KIRREL3: variants seen among roughly 807,000 people sequenced by gnomAD.
The protein encoded by KIRREL3 is kin of IRRE-like protein 3.
KIRREL3 carries 36 observed loss-of-function variants against 89.7 expected under a neutral mutation model. That is an observed-to-expected ratio of 0.40 (90% confidence interval 0.31 to 0.53). The LOEUF (loss-of-function observed/expected upper bound fraction) is 0.53, where lower values mean the gene tolerates loss of function less well. KIRREL3 is among the 20% of genes least tolerant of loss of function. KIRREL3 has a pLI of 0.49. For synonymous variants in KIRREL3, 445 were observed against 441.4 expected (o/e 1.01, Z -0.10); for missense variants, 864 against 1,056.6 (o/e 0.82, Z 2.53).
Position 126,605,213 on chromosome 11 carries a change from C to G in KIRREL3, c.56-42301G>C, listed in dbSNP as rs1942836224. The stretch of plus-strand genomic sequence containing the variant: ...GATAACTATATCTAGGGACCGACTC[C>G]TGGGATCTTACCAAGTCACATTTGC... On this transcript the variant is annotated intron_variant, in intron 1 of 16. Coordinates refer to ENST00000525144, the MANE Select transcript of KIRREL3 (RefSeq NM_032531.4). This position sits in a 1 kb window ranked among gnomAD's most constrained non-coding sequence, Gnocchi z 5.7. 6.6e-6 allele frequency among the ~76,000 whole-genome samples: 1 copy of G among 152,140 alleles called. No individual in the cohort carries two copies.
intron 1 of KIRREL3, among the ~76,000 whole-genome samples, chr11:126,884,266 C>T (rs1455857142): frequency 6.6e-6 from 1 of 152,188 alleles, no homozygotes; most frequent in Non-Finnish European, 1.5e-5. Flanking sequence ...CTCCAGATGA[C>T]TCTGCTGGAA....
intron 1 of KIRREL3, among the ~76,000 whole-genome samples, chr11:126,800,038 T>G (rs1950982382): frequency 6.6e-6 from 1 of 152,172 alleles, no homozygotes; most frequent in African/African-American, 2.4e-5. Flanking sequence ...TGGCATTATT[T>G]TGTGAACCAA....
rs1226784533 is a variant in KIRREL3, at chr11:126,948,550, G to A, written c.55+51905C>T. Among the ~76,000 whole-genome samples the A allele has an allele frequency of 6.6e-6, 1 of 152,152 alleles. No individual in the cohort carries two copies. The highest frequency in any genetic ancestry group is 1.5e-5 in the Non-Finnish European group (1 of 68,024). ...TTATGAGATCAAGAAAACTATGAGG[G>A]ATTTTAGGCTTCCCAAAAAGCATAA... is the stretch of plus-strand genomic sequence containing the variant. On this transcript the variant is annotated intron_variant, in intron 1 of 16. Transcript: ENST00000525144. This position sits in a 1 kb window ranked among gnomAD's most constrained non-coding sequence, Gnocchi z 4.5.
In KIRREL3 at chr11:126,636,442, G is replaced by A. The variant is rs906167876; in HGVS notation, c.56-73530C>T. Among the ~76,000 whole-genome samples the A allele has an allele frequency of 2.0e-5, 3 of 152,168 alleles. No homozygotes were observed. The highest frequency in any genetic ancestry group is 7.2e-5 in the African/African-American group (3 of 41,434). On this transcript the variant is annotated intron_variant, in intron 1 of 16. Transcript: ENST00000525144. This position sits in a 1 kb window ranked among gnomAD's most constrained non-coding sequence, Gnocchi z 4.4. The stretch of plus-strand genomic sequence containing the variant: ...ACTTGTTCTGTTGAGAGTCTGTGAT[G>A]CCCAAACCTTGGAATTAACCCTGAT...
intron 4 of KIRREL3, among the ~76,000 whole-genome samples, chr11:126,481,011 T>C (rs973686779): frequency 6.6e-6 from 1 of 152,170 alleles, no homozygotes; most frequent in Non-Finnish European, 1.5e-5. Context: ...AGCCGAACAA[T>C]GTTTGGAGAA....
Position 126,484,216 on chromosome 11 carries a change from T to TTA in KIRREL3, c.434-10751_434-10750insTA, listed in dbSNP as rs1435336190. Among the ~76,000 whole-genome samples, 1 of 152,180 alleles carries TTA rather than the reference T, an allele frequency of 6.6e-6. No individual in the cohort carries two copies. The highest frequency in any genetic ancestry group is 1.5e-5 in the Non-Finnish European group (1 of 68,036). ...TACACTGGTCCTCACCACATCTCTA[T>TTA]TGCATTGACTTGTGGACCTGTTTCA... On this transcript the variant is annotated intron_variant, in intron 4 of 16. Coordinates refer to ENST00000525144, the MANE Select transcript of KIRREL3 (RefSeq NM_032531.4). The surrounding 1 kb of genome is among the most constrained non-coding windows in gnomAD (Gnocchi z 5.2).
rs1028149525 is a variant in KIRREL3 at position 126,931,496 on chromosome 11, A to G, written c.55+68959T>C. The stretch of plus-strand genomic sequence containing the variant: ...TTCCAGGAACCCATAGCATTGTGGC[A>G]TCCAGACTTTGAGACAATCTTAAAT... On this transcript the variant is annotated intron_variant, in intron 1 of 16. Transcript: ENST00000525144. The surrounding 1 kb of genome is among the most constrained non-coding windows in gnomAD (Gnocchi z 5.1). Among the ~76,000 whole-genome samples, 5 of 152,220 alleles carry G rather than the reference A, an allele frequency of 3.3e-5. No individual in the cohort carries two copies. The highest frequency in any genetic ancestry group is 1.9e-4 in the East Asian group (1 of 5,192).
At position 126,996,130 on chromosome 11, in the gene KIRREL3, C is replaced by A. The variant is rs984477522; in HGVS notation, c.55+4325G>T. Among the ~76,000 whole-genome samples the A allele has an allele frequency of 1.3e-5, 2 of 152,128 alleles. No individual in the cohort carries two copies. The highest frequency in any genetic ancestry group is 2.9e-5 in the Non-Finnish European group (2 of 68,044). ...TACAGACATGCAACCACCCCCATTT[C>A]CAACAGACATGCCCCAGTTTCCCCA... On this transcript the variant is annotated intron_variant, in intron 1 of 16. Coordinates refer to ENST00000525144, the MANE Select transcript of KIRREL3 (RefSeq NM_032531.4). This position sits in a 1 kb window ranked among gnomAD's most constrained non-coding sequence, Gnocchi z 4.7.
At chr11:126,767,327 TG>T (rs1168928187) in intron 1 of KIRREL3, among the ~76,000 whole-genome samples, 2 of 152,156 alleles carry the variant, frequency 1.3e-5, no homozygotes, top group Non-Finnish European at 2.9e-5. Flanking sequence ...GCAGAACTCA[TG>T]TCAGTGGTGA....
intron 1 of KIRREL3, among the ~76,000 whole-genome samples, chr11:126,822,529 T>C (rs1197821247): frequency 6.6e-6 from 1 of 152,208 alleles, no homozygotes; most frequent in Non-Finnish European, 1.5e-5. Context: ...CTGGGGACTT[T>C]TTGCAACTCA....
chr11:127,001,548 C>T (rs1950315480), upstream of KIRREL3, among the ~76,000 whole-genome samples: 1 of 152,122 alleles, frequency 6.6e-6, no homozygotes, highest in Admixed American at 6.5e-5. Context: ...CCTGTCTTTT[C>T]TCCAAGAGGT....
At chr11:126,573,766 C>T (rs2134636920) in intron 1 of KIRREL3, among the ~76,000 whole-genome samples, 1 of 152,198 alleles carries the variant, frequency 6.6e-6, no homozygotes, top group Non-Finnish European at 1.5e-5. Context: ...CTTTTGTCTT[C>T]AAAAACAAGA....
Position 126,642,936 on chromosome 11 carries a change from T to A in KIRREL3, c.56-80024A>T, listed in dbSNP as rs1451969196. 6.6e-6 allele frequency among the ~76,000 whole-genome samples: 1 copy of A among 152,130 alleles called. No homozygotes were observed. Among genetic ancestry groups the A allele is most frequent in the Non-Finnish European group, 1.5e-5 (1 of 68,026 alleles). Reference sequence around the variant, plus strand: ...GCATGGTTCCAGAGTACAAGGATCCTACAAAGTAAAAGGGTAAAAAAAAGG... The same window carrying A: ...GCATGGTTCCAGAGTACAAGGATCCAACAAAGTAAAAGGGTAAAAAAAAGG... On this transcript the variant is annotated intron_variant, in intron 1 of 16. Coordinates refer to ENST00000525144, the MANE Select transcript of KIRREL3 (RefSeq NM_032531.4). The surrounding 1 kb of genome is among the most constrained non-coding windows in gnomAD (Gnocchi z 4.9).
Position 126,715,947 on chromosome 11 carries a change from C to G in KIRREL3, c.56-153035G>C, listed in dbSNP as rs1448872224. On this transcript the variant is annotated intron_variant, in intron 1 of 16. Transcript: ENST00000525144. The surrounding 1 kb of genome is among the most constrained non-coding windows in gnomAD (Gnocchi z 4.4). Reference sequence around the variant, plus strand: ...TGACTTAGCACAGGATGCAATTTATCTTCAGAGAGTACCCTCCATACACCC... The same window carrying G: ...TGACTTAGCACAGGATGCAATTTATGTTCAGAGAGTACCCTCCATACACCC... Among the ~76,000 whole-genome samples the G allele has an allele frequency of 2.6e-5, 4 of 152,152 alleles. No individual in the cohort carries two copies. Among genetic ancestry groups the G allele is most frequent in the Middle Eastern group, 3.2e-3 (1 of 316 alleles).
chr11:126,532,587 A>C (rs1471278513), intron 2 of KIRREL3, among the ~76,000 whole-genome samples: 1 of 151,958 alleles, frequency 6.6e-6, no homozygotes, highest in Admixed American at 6.6e-5. Context: ...TGTTGGCCAG[A>C]CTGGTGTCGA....
rs915465825 is a variant in KIRREL3 at position 126,620,776 on chromosome 11, C to A, written c.56-57864G>T. Among the ~76,000 whole-genome samples the A allele has an allele frequency of 3.3e-5, 5 of 152,194 alleles. No individual in the cohort carries two copies. Among genetic ancestry groups the A allele is most frequent in the Admixed American group, 1.3e-4 (2 of 15,284 alleles). ...ACCCCACTTTAAATTCCTTCTTTAG[C>A]TTCTAATAAATCATCCAAACCCAGA... On this transcript the variant is annotated intron_variant, in intron 1 of 16. Transcript: ENST00000525144. This position sits in a 1 kb window ranked among gnomAD's most constrained non-coding sequence, Gnocchi z 4.8.
chr11:126,874,632 C>A (rs1945211421), intron 1 of KIRREL3, among the ~76,000 whole-genome samples: 2 of 152,168 alleles, frequency 1.3e-5, no homozygotes, highest in African/African-American at 4.8e-5. Context: ...AAGGAATTAG[C>A]CATATGGGCC....
chr11:126,674,900 GT>G (rs1463085535), intron 1 of KIRREL3, among the ~76,000 whole-genome samples: 1 of 152,196 alleles, frequency 6.6e-6, no homozygotes, highest in Non-Finnish European at 1.5e-5. Flanking sequence ...GGCGTAGTGA[GT>G]TTTATTTTTA....
chr11:126,586,930 G>A (rs1011516979), intron 1 of KIRREL3, among the ~76,000 whole-genome samples: 2 of 152,188 alleles, frequency 1.3e-5, no homozygotes, highest in African/African-American at 2.4e-5. Flanking sequence ...AGAAGGGCAA[G>A]TCACTGTTCG....
Sources: gnomAD v4.1 joint callset for allele counts (sites outside exome capture counted in the v4.1 genomes callset) on GRCh38, gnomAD v4.1.1 for gene constraint, Gnocchi (gnomAD v3.1) non-coding constraint, MANE v1.5 for transcripts, NCBI Gene and HGNC (gene_info 2026-07-23, HGNC 2026-07-21) for gene names.